NSD3: variants seen among roughly 807,000 people sequenced by gnomAD.
NSD3 encodes nuclear receptor binding SET domain protein 3.
NSD3 carries 24 observed loss-of-function variants against 160.8 expected under a neutral mutation model. The ratio of observed to expected loss-of-function variants is 0.15; its 90% CI spans 0.11 to 0.21. The LOEUF (loss-of-function observed/expected upper bound fraction) is 0.21. NSD3 is among the 10% of genes least tolerant of loss of function. The probability of loss-of-function intolerance (pLI) is 1.00; values close to 1 mark genes in which losing one functional copy is unlikely to be tolerated. For synonymous variants in NSD3, 520 were observed against 600.0 expected, an observed-to-expected ratio of 0.87 and a Z score of 1.95; for missense variants, 1,157 against 1,735.9, an observed-to-expected ratio of 0.67 and a Z score of 5.93.
chr8:38,329,712 A>G lies in NSD3; in HGVS notation c.1247T>C (p.Val416Ala). Residue 416 changes from valine (V) to alanine (A), a missense_variant, in exon 6 of 24, where the codon GTT (valine) becomes GCT (alanine). Physicochemically the swap from Val to Ala is moderately conservative, Grantham distance 64. This residue lies in a region of NSD3 where 168 missense variants were observed against 208.1 expected (regional missense o/e 0.81). Transcript: ENST00000317025. This position sits in a 1 kb window ranked among gnomAD's most constrained non-coding sequence, Gnocchi z 4.8. Reference protein sequence around the residue: ...AKKSVASKTEVKKTRRPRSVL... With the variant: ...AKKSVASKTEAKKTRRPRSVL... ...AGATCTTGGTCGTCGGGTTTTTTTA[A>G]CTTCGGTTTTGGAGGCAACACTCTT... 6.2e-7 allele frequency: 1 copy of G among 1,614,138 alleles called. No individual in the cohort carries two copies. Among genetic ancestry groups the G allele is most frequent in the Non-Finnish European group, 8.5e-7 (1 of 1,180,036 alleles).
At chr8:38,280,513 G>C (rs572744746) in intron 20 of NSD3, among the ~76,000 whole-genome samples, 94 of 152,246 alleles carry the variant, frequency 6.2e-4, no homozygotes, top group Non-Finnish European at 1.2e-3. Flanking sequence ...CAGTTATAGA[G>C]ATATGATAGC....
At position 38,321,262 on chromosome 8, in the gene NSD3, T is replaced by C. The variant is rs1381759853; in HGVS notation, c.1709-90A>G. ...AAGATATGACCACATTCCTTGCTTT[T>C]CTTACCCATTACTTTTGGAATTTTA... On this transcript the variant is annotated intron_variant, in intron 7 of 23. Transcript: ENST00000317025. This position sits in a 1 kb window ranked among gnomAD's most constrained non-coding sequence, Gnocchi z 4.7. 1.0e-6 allele frequency: 1 copy of C among 991,928 alleles called. No homozygotes were observed. The allele number at this position is 991,928 out of a possible 1,614,324, so 61.4% of individuals were successfully genotyped here. A position where few individuals can be genotyped will look rare whatever the true frequency, so the allele number is the denominator to read the frequency against.
chr8:38,378,342 A>G (rs1351358539), intron 1 of NSD3, among the ~76,000 whole-genome samples: 2 of 151,734 alleles, frequency 1.3e-5, no homozygotes, highest in Non-Finnish European at 2.9e-5. Flanking sequence ...TGTCTCTACT[A>G]AAAAAAATAC....
chr8:38,317,319 C>T lies in NSD3; in HGVS notation c.1856-1277G>A. The T allele has an allele frequency of 8.5e-6, 9 of 1,058,350 alleles. No individual in the cohort carries two copies. The highest frequency in any genetic ancestry group is 1.0e-5 in the Non-Finnish European group (9 of 874,812). 65.6% of individuals were successfully genotyped at this position (1,058,350 alleles called of 1,614,324 possible). On this transcript the variant is annotated intron_variant, in intron 9 of 23. Coordinates refer to ENST00000317025, the MANE Select transcript of NSD3 (RefSeq NM_023034.2). This position sits in a 1 kb window ranked among gnomAD's most constrained non-coding sequence, Gnocchi z 5.3. ...TAATGCTGATTAAAAAACACAAGTA[C>T]ACAAATCTATCTCCTTCATTGCTGG...
intron 19 of NSD3, among the ~76,000 whole-genome samples, chr8:38,286,869 C>T (rs1034172505): frequency 1.3e-5 from 2 of 152,346 alleles, no homozygotes; most frequent in East Asian, 1.9e-4. Context: ...ACCACACACA[C>T]GGCAAACAGC....
chr8:38,289,523 C>A lies in NSD3; in HGVS notation c.3119-18G>T, dbSNP rs753491410. On this transcript the variant is annotated intron_variant, in intron 17 of 23. Transcript: ENST00000317025. ...TTCCAGTGCTGCCAATAAGATGATA[C>A]AAAGTATGTAAATACCAAAAACCAA... 3 of 1,605,838 alleles carry A rather than the reference C, an allele frequency of 1.9e-6. No homozygotes were observed. The South Asian group carries it at 3.3e-5, about 18-fold the overall frequency.
intron 14 of NSD3, among the ~76,000 whole-genome samples, chr8:38,301,774 A>G (rs1467473370): frequency 1.3e-5 from 2 of 152,222 alleles, no homozygotes; most frequent in African/African-American, 2.4e-5. Flanking sequence ...TACTATGGAG[A>G]GATAACTTCT....
intron 1 of NSD3, among the ~76,000 whole-genome samples, chr8:38,379,974 T>C (rs1289069033): frequency 6.6e-6 from 1 of 152,226 alleles, no homozygotes; most frequent in African/African-American, 2.4e-5. Context: ...TACAGTTGAA[T>C]ATATTAGTTA....
chr8:38,313,794 A>G (rs530827329), intron 12 of NSD3, among the ~76,000 whole-genome samples: 14 of 152,030 alleles, frequency 9.2e-5, no homozygotes, highest in African/African-American at 3.4e-4. Context: ...TCTCAAAAAA[A>G]AAAAAAAAAA....
chr8:38,319,102 A>G lies in NSD3; in HGVS notation c.1810-162T>C. 6.2e-6 allele frequency: 4 copies of G among 646,522 alleles called. No individual in the cohort carries two copies. In the South Asian group the frequency reaches 6.2e-5, roughly 10 times the overall value. The allele number at this position is 646,522 out of a possible 1,614,324, so 40.0% of individuals were successfully genotyped here. A position where few individuals can be genotyped will look rare whatever the true frequency, so the allele number is the denominator to read the frequency against. ...TTTGGGTAAAGTTCTCTGTCTCAAG[A>G]TCAGGGAGGGTTTAAATCCTAGCTG... On this transcript the variant is annotated intron_variant, in intron 8 of 23. Coordinates refer to ENST00000317025, the MANE Select transcript of NSD3 (RefSeq NM_023034.2). This position sits in a 1 kb window ranked among gnomAD's most constrained non-coding sequence, Gnocchi z 4.1.
At chr8:38,332,732 TC>T (rs954072419) in intron 4 of NSD3, among the ~76,000 whole-genome samples, 1 of 152,058 alleles carries the variant, frequency 6.6e-6, no homozygotes, top group African/African-American at 2.4e-5. Context: ...GGAAGGGCAT[TC>T]TTTTTTTTTT....
chr8:38,282,483 C>T (rs918552228), intron 19 of NSD3, among the ~76,000 whole-genome samples: 1 of 152,186 alleles, frequency 6.6e-6, no homozygotes, highest in Non-Finnish European at 1.5e-5. Context: ...CCAGCCTGGC[C>T]AACATGGTGA....
chr8:38,275,780 C>G lies in NSD3; in HGVS notation c.4175G>C (p.Gly1392Ala), dbSNP rs1213644360. The change falls in exon 24 of 24, where the codon GGG becomes GCG. Residue 1392 changes from glycine (G) to alanine (A), a missense_variant. Physicochemically the swap from Gly to Ala is moderately conservative, Grantham distance 60. Transcript: ENST00000317025. The stretch of plus-strand genomic sequence containing the variant: ...TTCCAGTGCAGAGGGAACCAGGGCC[C>G]CCTTTTCATGATCTTTACAAAATGA... ...PHSFCKDHEK[G>A]ALVPSALEGR... is the part of the protein sequence containing the mutation. The G allele has an allele frequency of 2.5e-6, 4 of 1,614,118 alleles. No individual in the cohort carries two copies. Among genetic ancestry groups the G allele is most frequent in the Non-Finnish European group, 3.4e-6 (4 of 1,180,038 alleles).
chr8:38,278,393 A>G lies in NSD3; in HGVS notation c.3780T>C (p.Asn1260=). The G allele has an allele frequency of 1.2e-6, 2 of 1,613,470 alleles. No individual in the cohort carries two copies. Among genetic ancestry groups the G allele is most frequent in the Non-Finnish European group, 1.7e-6 (2 of 1,179,700 alleles). The change falls in exon 22 of 24, where the codon AAT becomes AAC. Residue 1260 remains asparagine, a synonymous_variant. Transcript: ENST00000317025. ...CGTTGCCCAGACAATCTAGGTTATA[A>G]TTAAATGTTAACTCCATCCCTGAAA... ...DIPAGMELTF[N]YNLDCLGNGR...
Position 38,317,475 on chromosome 8 carries a change from T to C in NSD3, c.1855+1420A>G, listed in dbSNP as rs1809692501. 9.5e-7 allele frequency: 1 copy of C among 1,057,196 alleles called. No individual in the cohort carries two copies. Among genetic ancestry groups the C allele is most frequent in the African/African-American group, 1.7e-5 (1 of 60,318 alleles). 65.5% of individuals were successfully genotyped at this position (1,057,196 alleles called of 1,614,324 possible). ...TCGAAGGGAAACACAGGTACCGCCA[T>C]TTCCGATGAGTTTCTGAAAATGCTA... On this transcript the variant is annotated intron_variant, in intron 9 of 23. Coordinates refer to ENST00000317025, the MANE Select transcript of NSD3 (RefSeq NM_023034.2). The surrounding 1 kb of genome is among the most constrained non-coding windows in gnomAD (Gnocchi z 5.3).
At chr8:38,366,656 C>G (rs1299729012) in intron 1 of NSD3, among the ~76,000 whole-genome samples, 1 of 152,068 alleles carries the variant, frequency 6.6e-6, no homozygotes, top group Non-Finnish European at 1.5e-5. Flanking sequence ...TCATGATCTG[C>G]CCACCTCGGC....
intron 17 of NSD3, 149 bp downstream of exon 17, chr8:38,290,326 G>T: frequency 1.3e-6 from 1 of 788,718 alleles, no homozygotes; most frequent in East Asian, 2.5e-5. Flanking sequence ...TTTAAACCTG[G>T]TTCTAATGTG....
chr8:38,341,663 C>T (rs887027977), intron 2 of NSD3, among the ~76,000 whole-genome samples: 1 of 151,974 alleles, frequency 6.6e-6, no homozygotes, highest in Non-Finnish European at 1.5e-5. Flanking sequence ...AGGTTAAAAA[C>T]GGTACCAGCT....
Position 38,316,235 on chromosome 8 carries a change from T to A in NSD3, c.1856-193A>T, listed in dbSNP as rs901423193. Among the ~76,000 whole-genome samples, 1 of 152,198 alleles carries A rather than the reference T, an allele frequency of 6.6e-6. No homozygotes were observed. Among genetic ancestry groups the A allele is most frequent in the Non-Finnish European group, 1.5e-5 (1 of 68,040 alleles). On this transcript the variant is annotated intron_variant, in intron 9 of 23. Transcript: ENST00000317025. This position sits in a 1 kb window ranked among gnomAD's most constrained non-coding sequence, Gnocchi z 4.5. ...CTTCCTGGTAGTGACTGATTTAATTTACAACCGCTCTATCAAAACATTTAA... is the reference window on the plus strand; with the variant it reads ...CTTCCTGGTAGTGACTGATTTAATTAACAACCGCTCTATCAAAACATTTAA...
Sources: gnomAD v4.1 joint callset for allele counts (sites outside exome capture counted in the v4.1 genomes callset) on GRCh38, gnomAD v4.1.1 for gene constraint, gnomAD v4.1.1 regional missense constraint, Gnocchi (gnomAD v3.1) non-coding constraint, MANE v1.5 for transcripts, NCBI Gene and HGNC (gene_info 2026-07-23, HGNC 2026-07-21) for gene names.